CAP2: variants seen among roughly 807,000 people sequenced by gnomAD.
The protein encoded by CAP2 is adenylyl cyclase-associated protein 2.
Under a neutral mutation model 57.7 loss-of-function variants are expected in CAP2, and 24 were observed. The observed-to-expected ratio is 0.42, with a 90% CI of 0.30 to 0.58. The LOEUF (loss-of-function observed/expected upper bound fraction) is 0.58. Ranked by LOEUF, CAP2 falls within the 20% of genes least tolerant of loss-of-function variation. The pLI is 0.22. For synonymous variants in CAP2, 194 were observed against 207.2 expected (o/e 0.94, Z 0.55); for missense variants, 501 against 590.3 (o/e 0.85, Z 1.57).
intron 3 of CAP2, among the ~76,000 whole-genome samples, chr6:17,440,503 C>G (rs1248528485): frequency 6.6e-6 from 1 of 151,274 alleles, no homozygotes; most frequent in African/African-American, 2.5e-5. Flanking sequence ...TTTTTATTTA[C>G]TATTACCTTT....
intron 1 of CAP2, among the ~76,000 whole-genome samples, chr6:17,406,681 C>T (rs1288763972): frequency 6.6e-6 from 1 of 152,036 alleles, no homozygotes. Context: ...TGTGAGCAAC[C>T]TCGCCCTGCC....
intron 1 of CAP2, among the ~76,000 whole-genome samples, chr6:17,414,335 G>A (rs76955410): frequency 0.011 from 1,591 of 151,356 alleles, 15 homozygotes; most frequent in Middle Eastern, 0.024. Context: ...ATGCAGGTTC[G>A]TTACATAGGT....
intron 11 of CAP2, among the ~76,000 whole-genome samples, chr6:17,549,722 A>G (rs1315758938): frequency 1.3e-5 from 2 of 152,186 alleles, no homozygotes; most frequent in Non-Finnish European, 2.9e-5. Flanking sequence ...TACAGGAACT[A>G]CAATTTGAGG....
intron 3 of CAP2, among the ~76,000 whole-genome samples, chr6:17,430,186 GA>G (rs1759690536): frequency 6.6e-6 from 1 of 152,134 alleles, no homozygotes; most frequent in African/African-American, 2.4e-5. Flanking sequence ...CCTATTGACA[GA>G]ACAGACCACA....
intron 4 of CAP2, among the ~76,000 whole-genome samples, chr6:17,465,520 C>G (rs1463280959): frequency 1.3e-5 from 2 of 152,208 alleles, no homozygotes; most frequent in African/African-American, 4.8e-5. Flanking sequence ...TGGCCCTTCT[C>G]TCTACTTCCC....
At chr6:17,418,977 CT>C (rs1184475361) in intron 1 of CAP2, among the ~76,000 whole-genome samples, 1 of 152,092 alleles carries the variant, frequency 6.6e-6, no homozygotes, top group Non-Finnish European at 1.5e-5. Flanking sequence ...GGATTAGATG[CT>C]GATTTCAGCT....
rs192376542 is a variant in CAP2, at chr6:17,406,927, C to T, written c.-2+13181C>T. ...CCCCCACCCAATTCTGATTTAAGGT[C>T]GACCCTGAAGAAAAAAATGAGAAAA... is the stretch of plus-strand genomic sequence containing the variant. On this transcript the variant is annotated intron_variant, in intron 1 of 12. Coordinates refer to ENST00000229922, the MANE Select transcript of CAP2 (RefSeq NM_006366.3). 2.2e-4 allele frequency among the ~76,000 whole-genome samples: 33 copies of T among 152,082 alleles called. No individual in the cohort carries two copies. The Middle Eastern group carries it at 0.017, about 78-fold the overall frequency.
chr6:17,419,381 G>A (rs114947075), intron 1 of CAP2, among the ~76,000 whole-genome samples: 2,921 of 152,276 alleles, frequency 0.019, 46 homozygotes, highest in South Asian at 0.059. Context: ...AGGTTCTTAA[G>A]AGGGAGAAGA....
At chr6:17,542,595 C>T (rs780405468) in intron 9 of CAP2, among the ~76,000 whole-genome samples, 1 of 152,186 alleles carries the variant, frequency 6.6e-6, no homozygotes, top group Non-Finnish European at 1.5e-5. Context: ...CAGCCTCCCA[C>T]CTGCTAGGGT....
chr6:17,447,267 A>G (rs1287569979), intron 3 of CAP2, among the ~76,000 whole-genome samples: 1 of 151,688 alleles, frequency 6.6e-6, no homozygotes, highest in African/African-American at 2.4e-5. Context: ...CAGTCCTCCC[A>G]CCATGGCCTC....
chr6:17,421,047 A>G (rs545241612), intron 1 of CAP2, among the ~76,000 whole-genome samples: 6 of 152,348 alleles, frequency 3.9e-5, no homozygotes, highest in African/African-American at 1.4e-4. Flanking sequence ...ATGAAATACT[A>G]ATCAGTCAAA....
chr6:17,451,892 GA>G (rs1298857174), intron 3 of CAP2, among the ~76,000 whole-genome samples: 1 of 151,548 alleles, frequency 6.6e-6, no homozygotes, highest in Admixed American at 6.6e-5. Context: ...TTCTGATAAT[GA>G]AAAAAAATGT....
chr6:17,404,429 C>G (rs997699557), intron 1 of CAP2, among the ~76,000 whole-genome samples: 1 of 152,132 alleles, frequency 6.6e-6, no homozygotes, highest in Non-Finnish European at 1.5e-5. Flanking sequence ...CACGGTGAAA[C>G]CCCGTCTCTA....
chr6:17,442,264 T>G (rs187829508), intron 3 of CAP2, among the ~76,000 whole-genome samples: 5 of 152,326 alleles, frequency 3.3e-5, no homozygotes, highest in Non-Finnish European at 5.9e-5. Context: ...AAGTTGACCA[T>G]GAACTTAGTG....
Position 17,472,170 on chromosome 6 carries a change from T to TTAA in CAP2, c.300+9097_300+9098insTAA, listed in dbSNP as rs763521146. On this transcript the variant is annotated intron_variant, in intron 4 of 12. Transcript: ENST00000229922. ...TAAAATGGTGAAACCCCGTCTCTAC[T>TTAA]AAAAATACAAAAAATTAGCCGGGCG... is the stretch of plus-strand genomic sequence containing the variant. Among the ~76,000 whole-genome samples the TTAA allele has an allele frequency of 8.8e-4, 60 of 68,338 alleles. 3 individuals carry two copies. Among genetic ancestry groups the TTAA allele is most frequent in the Non-Finnish European group, 1.5e-3 (55 of 37,360 alleles). 44.8% of individuals were successfully genotyped at this position (68,338 alleles called of 152,430 possible). A position where few individuals can be genotyped will look rare whatever the true frequency, so the allele number is the denominator to read the frequency against.
chr6:17,407,337 G>C (rs1355657835), intron 1 of CAP2, among the ~76,000 whole-genome samples: 1 of 152,162 alleles, frequency 6.6e-6, no homozygotes, highest in Non-Finnish European at 1.5e-5. Context: ...ATTGAAGCTG[G>C]GTGTGGTGGC....
At chr6:17,410,040 T>C (rs1375357888) in intron 1 of CAP2, among the ~76,000 whole-genome samples, 1 of 152,224 alleles carries the variant, frequency 6.6e-6, no homozygotes, top group East Asian at 1.9e-4. Context: ...CATTCATGCT[T>C]CCATGCGTTT....
chr6:17,436,049 G>T lies in CAP2; in HGVS notation c.222+9359G>T, dbSNP rs143140746. On this transcript the variant is annotated intron_variant, in intron 3 of 12. Transcript: ENST00000229922. Reference sequence around the variant, plus strand: ...TAAGATGACTAAACTCTTAATCTTGGCATGGTTAAACTAAGGAATCTTTCT... The same window carrying T: ...TAAGATGACTAAACTCTTAATCTTGTCATGGTTAAACTAAGGAATCTTTCT... Among the ~76,000 whole-genome samples, 5 of 151,360 alleles carry T rather than the reference G, an allele frequency of 3.3e-5. No homozygotes were observed. The East Asian group carries it at 9.6e-4, about 29-fold the overall frequency.
chr6:17,417,063 C>T (rs1404092990), intron 1 of CAP2, among the ~76,000 whole-genome samples: 1 of 151,664 alleles, frequency 6.6e-6, no homozygotes, highest in East Asian at 2.0e-4. Flanking sequence ...TGTGCCACTG[C>T]ACTCCAGCCT....
Sources: gnomAD v4.1 joint callset for allele counts (sites outside exome capture counted in the v4.1 genomes callset) on GRCh38, gnomAD v4.1.1 for gene constraint, MANE v1.5 for transcripts, NCBI Gene and HGNC (gene_info 2026-07-23, HGNC 2026-07-21) for gene names.